Variants in PPP1R1C observed in about 807,000 individuals in gnomAD.
The protein encoded by PPP1R1C is protein phosphatase 1 regulatory inhibitor subunit 1C.
PPP1R1C carries 15 observed loss-of-function variants against 17.4 expected under a neutral mutation model. The ratio of observed to expected loss-of-function variants is 0.86; its 90% CI spans 0.58 to 1.33. PPP1R1C has a LOEUF of 1.33. Among genes scored for constraint, PPP1R1C ranks in the 40% most tolerant of loss-of-function variants. The pLI, the probability that PPP1R1C is intolerant of heterozygous loss-of-function variation, is 0.00. For synonymous variants in PPP1R1C, 35 were observed against 43.1 expected (o/e 0.81, Z 0.73); for missense variants, 143 against 130.0 (o/e 1.10, Z -0.48).
chr2:182,010,217 T>C (rs1296431151), intron 2 of PPP1R1C, among the ~76,000 whole-genome samples: 1 of 152,086 alleles, frequency 6.6e-6, no homozygotes, highest in Non-Finnish European at 1.5e-5. Flanking sequence ...TTGGGTACTA[T>C]GGATATTTTA....
chr2:182,011,958 A>G (rs1365640553), intron 2 of PPP1R1C, among the ~76,000 whole-genome samples: 1 of 151,894 alleles, frequency 6.6e-6, no homozygotes, highest in Non-Finnish European at 1.5e-5. Flanking sequence ...TTTTAATGTT[A>G]TTCCACTGTG....
intron 2 of PPP1R1C, among the ~76,000 whole-genome samples, chr2:182,032,668 A>T (rs1686881512): frequency 6.6e-6 from 1 of 152,288 alleles, no homozygotes; most frequent in African/African-American, 2.4e-5. Flanking sequence ...TTCAGGTTCT[A>T]GTTCCACTAC....
chr2:182,061,845 G>A (rs888291170), intron 3 of PPP1R1C, among the ~76,000 whole-genome samples: 1 of 152,032 alleles, frequency 6.6e-6, no homozygotes, highest in Non-Finnish European at 1.5e-5. Flanking sequence ...CTCTTACAGG[G>A]TCTTCTGGTA....
chr2:181,990,755 G>A (rs904578552), intron 2 of PPP1R1C, among the ~76,000 whole-genome samples: 5 of 152,174 alleles, frequency 3.3e-5, no homozygotes, highest in Admixed American at 6.5e-5. Flanking sequence ...ACAAATAAGA[G>A]TAACAACGAA....
upstream of PPP1R1C, among the ~76,000 whole-genome samples, chr2:181,983,763 A>G (rs1685237283): frequency 1.3e-5 from 2 of 152,224 alleles, no homozygotes; most frequent in African/African-American, 4.8e-5. Flanking sequence ...TTATTATGAT[A>G]AATAGAGTTA....
At chr2:182,126,847 G>C (rs568868978) in intron 5 of PPP1R1C, among the ~76,000 whole-genome samples, 1 of 152,152 alleles carries the variant, frequency 6.6e-6, no homozygotes, top group East Asian at 1.9e-4. Context: ...CTGGATTAGA[G>C]AGAAAAGTAG....
At chr2:182,110,937 G>A (rs1478501477) in intron 4 of PPP1R1C, among the ~76,000 whole-genome samples, 1 of 152,038 alleles carries the variant, frequency 6.6e-6, no homozygotes, top group East Asian at 1.9e-4. Context: ...CACTAGAGGG[G>A]CACATGACTG....
chr2:182,018,522 TTG>T (rs1440828666), intron 2 of PPP1R1C, among the ~76,000 whole-genome samples: 1 of 152,188 alleles, frequency 6.6e-6, no homozygotes, highest in African/African-American at 2.4e-5. Flanking sequence ...AAAGTTTAGA[TTG>T]TTCAGGCCAG....
At chr2:182,043,991 C>T (rs1441429042) in intron 2 of PPP1R1C, among the ~76,000 whole-genome samples, 1 of 152,164 alleles carries the variant, frequency 6.6e-6, no homozygotes, top group African/African-American at 2.4e-5. Context: ...CCAGAAACTG[C>T]ATGTAATGTT....
chr2:181,996,380 G>A (rs907476006), intron 2 of PPP1R1C, among the ~76,000 whole-genome samples: 2 of 152,120 alleles, frequency 1.3e-5, no homozygotes, highest in African/African-American at 2.4e-5. Flanking sequence ...TGCGGTCTCT[G>A]CCCTCTCCAT....
intron 4 of PPP1R1C, among the ~76,000 whole-genome samples, chr2:182,089,523 T>G (rs1688722395): frequency 1.3e-5 from 2 of 152,210 alleles, no homozygotes; most frequent in Admixed American, 1.3e-4. Flanking sequence ...GTTTCATGTA[T>G]ATCTTCAATA....
chr2:182,063,743 T>C lies in PPP1R1C; in HGVS notation c.193T>C (p.Ser65Pro), dbSNP rs748486009. 6 of 1,612,642 alleles carry C rather than the reference T, an allele frequency of 3.7e-6. 1 individual carries two copies. The South Asian group carries it at 6.6e-5, about 18-fold the overall frequency. ...TCTTTCTCCACAGTTACAGAATGCA[T>C]CCCCTAAGCAAAGGAAGCAGAGTGT... ...PNTQGELQNASPKQRKQSVYT... is the reference protein window; with the variant it reads ...PNTQGELQNAPPKQRKQSVYT... The change falls in exon 4 of 5, where the codon TCC becomes CCC. Residue 65 changes from serine to proline, a missense_variant. By Grantham distance (74) the Ser-to-Pro change is moderately conservative. Coordinates refer to ENST00000682840, the MANE Select transcript of PPP1R1C (RefSeq NM_001080545.3).
At chr2:182,081,049 G>T (rs903585998) in intron 4 of PPP1R1C, among the ~76,000 whole-genome samples, 14 of 152,092 alleles carry the variant, frequency 9.2e-5, no homozygotes, top group Non-Finnish European at 1.5e-5. Context: ...CACTTATTTG[G>T]TTGCTACTTC....
In PPP1R1C at chr2:181,976,944, C is replaced by A. The variant is rs536279147; in HGVS notation, n.157+1680C>A. ...CTTGAGGCCAGGAGTTCAAGACCAG[C>A]CTGGGCAACATAGCGAGACCCTGTC... On this transcript the variant is annotated intron_variant and non_coding_transcript_variant, in intron 2 of 5. Transcript: ENST00000464264. This position sits in a 1 kb window ranked among gnomAD's most constrained non-coding sequence, Gnocchi z 4.8. 1.4e-3 allele frequency among the ~76,000 whole-genome samples: 214 copies of A among 151,788 alleles called. No individual in the cohort carries two copies. The highest frequency in any genetic ancestry group is 2.5e-3 in the Non-Finnish European group (173 of 67,904).
chr2:182,035,733 T>C (rs1301960961), intron 2 of PPP1R1C, among the ~76,000 whole-genome samples: 1 of 152,152 alleles, frequency 6.6e-6, no homozygotes, highest in African/African-American at 2.4e-5. Flanking sequence ...GATTGTAAGT[T>C]TCCCGAGGCC....
chr2:182,035,186 C>T (rs988182235), intron 2 of PPP1R1C, among the ~76,000 whole-genome samples: 5 of 152,106 alleles, frequency 3.3e-5, no homozygotes, highest in Non-Finnish European at 7.4e-5. Context: ...TCCTCCCATC[C>T]CCATCATTGA....
chr2:182,011,636 G>A (rs1181389840), intron 2 of PPP1R1C, among the ~76,000 whole-genome samples: 2 of 151,446 alleles, frequency 1.3e-5, no homozygotes, highest in Non-Finnish European at 3.0e-5. Flanking sequence ...TGTTCTTTAT[G>A]GTTTATTTTC....
intron 2 of PPP1R1C, among the ~76,000 whole-genome samples, chr2:181,977,765 C>T (rs1685120332): frequency 1.3e-5 from 2 of 152,128 alleles, no homozygotes; most frequent in African/African-American, 2.4e-5. Flanking sequence ...TGTCTCTGCT[C>T]CACTATGTTG....
intron 2 of PPP1R1C, among the ~76,000 whole-genome samples, chr2:182,015,751 G>T (rs1459427689): frequency 6.6e-6 from 1 of 152,150 alleles, no homozygotes; most frequent in Non-Finnish European, 1.5e-5. Context: ...TCTGCTTGGT[G>T]CCCTGTTCCA....
Sources: allele counts gnomAD v4.1 joint callset (sites outside exome capture counted in the v4.1 genomes callset), GRCh38; gene constraint gnomAD v4.1.1; non-coding constraint Gnocchi (gnomAD v3.1); transcripts MANE v1.5; gene names NCBI Gene and HGNC (gene_info 2026-07-23, HGNC 2026-07-21).